Variants in TUBB8B observed in about 807,000 individuals in gnomAD.
TUBB8B encodes tubulin beta 8B, also known as HSA18p11 beta-tubulin 4Q pseudogene.
A neutral mutation model predicts 31.9 loss-of-function variants in TUBB8B; 26 were observed. The ratio of observed to expected loss-of-function variants is 0.81; its 90% CI spans 0.60 to 1.13. The LOEUF (loss-of-function observed/expected upper bound fraction) is 1.13, where lower values mean the gene tolerates loss of function less well. Among genes scored for constraint, TUBB8B ranks in the 50% most tolerant of loss-of-function variants. The pLI, the probability that TUBB8B is intolerant of heterozygous loss-of-function variation, is 0.00. For missense variants in TUBB8B, 467 were observed against 586.7 expected (o/e 0.80, Z 2.11); for synonymous variants, 173 against 231.0 (o/e 0.75, Z 2.28).
rs1217003976 is a variant in TUBB8B at position 48,260 on chromosome 18, G to T, written c.465C>A (p.Ile155=). ...TGATCCTGTCTGGGTACTCCTCCCG[G>T]ATCTTACTAATGAGAAGGGTACCCA... is the stretch of plus-strand genomic sequence containing the variant. The part of the protein sequence containing the change: ...SGMGTLLISK[I]REEYPDRIIN... Residue 155 remains isoleucine (I), a synonymous_variant, in exon 4 of 4, where the codon ATC becomes ATA. Coordinates refer to ENST00000308911, the MANE Select transcript of TUBB8B (RefSeq NM_001358689.2). The T allele has an allele frequency of 6.2e-7, 1 of 1,612,638 alleles. No homozygotes were observed. Among genetic ancestry groups the T allele is most frequent in the Middle Eastern group, 1.7e-4 (1 of 5,874 alleles).
chr18:48,662 C>A (rs1240876445), intron 3 of TUBB8B: 5 of 661,126 alleles, frequency 7.6e-6, no homozygotes, highest in Middle Eastern at 3.9e-4. Flanking sequence ...GGTTCACAGA[C>A]CTCGCTGCAG....
chr18:57,839 C>A, the TUBB8B span, among the ~76,000 whole-genome samples: 1 of 151,948 alleles, frequency 6.6e-6, no homozygotes, highest in African/African-American at 2.4e-5. Context: ...GGTGGAGGCT[C>A]CCAAGTCTCA....
At chr18:55,457 G>C in the TUBB8B span, among the ~76,000 whole-genome samples, 2 of 151,796 alleles carry the variant, frequency 1.3e-5, no homozygotes, top group African/African-American at 4.8e-5. Context: ...ACATGGCTGG[G>C]GAGGCCTCAG....
At chr18:69,983 C>T in the TUBB8B span, among the ~76,000 whole-genome samples, 1 of 151,990 alleles carries the variant, frequency 6.6e-6, no homozygotes, top group Non-Finnish European at 1.5e-5. Flanking sequence ...ATGGCGAAAC[C>T]CAGGCTCTAC....
At chr18:55,110 T>C in the TUBB8B span, among the ~76,000 whole-genome samples, 1 of 151,898 alleles carries the variant, frequency 6.6e-6, no homozygotes, top group Non-Finnish European at 1.5e-5. Context: ...TATTTATCTA[T>C]TTATGTATTG....
the TUBB8B span, among the ~76,000 whole-genome samples, chr18:65,038 C>T: frequency 2.0e-5 from 3 of 152,056 alleles, no homozygotes. Flanking sequence ...CGGTGGCTCA[C>T]ACCTGAAATC....
upstream of TUBB8B, among the ~76,000 whole-genome samples, chr18:51,233 CTT>C (rs1303485862): frequency 6.6e-6 from 1 of 151,948 alleles, no homozygotes. Context: ...GCTCATCTCT[CTT>C]AAGTCTGGCC....
At chr18:55,290 G>A in the TUBB8B span, among the ~76,000 whole-genome samples, 3 of 151,678 alleles carry the variant, frequency 2.0e-5, 1 homozygote, top group Non-Finnish European at 2.9e-5. Flanking sequence ...TAGTGGAGAC[G>A]GGGTTTCACC....
In TUBB8B at chr18:49,076, G is replaced by A. The variant is rs1265135351; in HGVS notation, c.167-26C>T. On this transcript the variant is annotated intron_variant, in intron 2 of 3. Coordinates refer to ENST00000308911, the MANE Select transcript of TUBB8B (RefSeq NM_001358689.2). ...CTGCGTGGGGCGGGAGGGCATGAGC[G>A]AGGGGAGGGCCGCGTTCCCAGGAGG... The A allele has an allele frequency of 8.3e-6, 13 of 1,556,956 alleles. 1 individual carries two copies. The highest frequency in any genetic ancestry group is 2.7e-5 in the African/African-American group (2 of 73,066).
upstream of TUBB8B, among the ~76,000 whole-genome samples, chr18:53,117 T>C (rs1388509366): frequency 6.6e-6 from 1 of 151,870 alleles, no homozygotes; most frequent in Non-Finnish European, 1.5e-5. Flanking sequence ...AATGTGGCTA[T>C]TTTCAGACTA....
At chr18:51,691 G>A (rs1906113555), upstream of TUBB8B, among the ~76,000 whole-genome samples, 1 of 151,448 alleles carries the variant, frequency 6.6e-6, no homozygotes, top group Non-Finnish European at 1.5e-5. Flanking sequence ...CCACTGCCTT[G>A]GACTCCCAAA....
chr18:48,518 A>G, intron 3 of TUBB8B, 71 bp from the exon 4 acceptor site: 3 of 1,057,374 alleles, frequency 2.8e-6, no homozygotes, highest in South Asian at 1.3e-5. Context: ...CATAATGCAG[A>G]AAGGGCCAAG....
chr18:67,926 C>A, the TUBB8B span, among the ~76,000 whole-genome samples: 1 of 152,130 alleles, frequency 6.6e-6, no homozygotes, highest in Non-Finnish European at 1.5e-5. Context: ...ATATGATGCA[C>A]ACAATACAGA....
rs1162763762 is a variant in TUBB8B at position 47,761 on chromosome 18, G to T, written c.964C>A (p.Pro322Thr). ...TVAAIFRGRM[P>T]MREVDEQMFN... ...ATTTGTTCATCCACCTCCCTCATGGGCATGCGACCCCTGAAAATGGCAGCC... is the reference window on the plus strand; with the variant it reads ...ATTTGTTCATCCACCTCCCTCATGGTCATGCGACCCCTGAAAATGGCAGCC... Residue 322 changes from proline (P) to threonine (T), a missense_variant, in exon 4 of 4, where the codon CCC (proline) becomes ACC (threonine). Physicochemically the swap from Pro to Thr is conservative, Grantham distance 38. Coordinates refer to ENST00000308911, the MANE Select transcript of TUBB8B (RefSeq NM_001358689.2). The T allele has an allele frequency of 6.2e-7, 1 of 1,611,198 alleles. No homozygotes were observed. Among genetic ancestry groups the T allele is most frequent in the African/African-American group, 1.3e-5 (1 of 74,874 alleles).
chr18:65,382 T>C, the TUBB8B span, among the ~76,000 whole-genome samples: 1 of 152,042 alleles, frequency 6.6e-6, no homozygotes, highest in Non-Finnish European at 1.5e-5. Context: ...CACAACATGA[T>C]CACTACATCC....
the TUBB8B span, among the ~76,000 whole-genome samples, chr18:56,212 C>T: frequency 6.6e-6 from 1 of 151,802 alleles, no homozygotes; most frequent in Non-Finnish European, 1.5e-5. Context: ...TAGTGTCATG[C>T]TGTTTTAATT....
At chr18:50,982 C>T (rs1413546133), upstream of TUBB8B, among the ~76,000 whole-genome samples, 3 of 151,860 alleles carry the variant, frequency 2.0e-5, no homozygotes, top group Non-Finnish European at 2.9e-5. Flanking sequence ...CAAATTGCAG[C>T]ATAAGCATGA....
chr18:52,131 T>C (rs1906134166), upstream of TUBB8B, among the ~76,000 whole-genome samples: 1 of 151,874 alleles, frequency 6.6e-6, no homozygotes, highest in Non-Finnish European at 1.5e-5. Context: ...AACCTGTAGG[T>C]GCTGTTCTAA....
At chr18:69,220 T>C in the TUBB8B span, among the ~76,000 whole-genome samples, 29 of 152,324 alleles carry the variant, frequency 1.9e-4, no homozygotes, top group African/African-American at 7.0e-4. Context: ...GGGCCGGGCA[T>C]GGTGGCTCAT....
Sources: gnomAD v4.1 joint callset for allele counts (sites outside exome capture counted in the v4.1 genomes callset) on GRCh38, gnomAD v4.1.1 for gene constraint, MANE v1.5 for transcripts, NCBI Gene and HGNC (gene_info 2026-07-23, HGNC 2026-07-21) for gene names.